Variants in PTBP2 observed in about 807,000 individuals in gnomAD.
PTBP2 encodes the protein polypyrimidine tract-binding protein 2.
PTBP2 carries 13 observed loss-of-function variants against 61.4 expected under a neutral mutation model. The observed-to-expected ratio is 0.21, with a 90% CI of 0.14 to 0.34. PTBP2 has a LOEUF of 0.34. PTBP2 is among the 10% of genes least tolerant of loss of function. The pLI is 1.00. For synonymous variants in PTBP2, 215 were observed against 218.5 expected (o/e 0.98, Z 0.14); for missense variants, 405 against 642.6 (o/e 0.63, Z 4.00).
At chr1:96,775,714 A>G (rs928779929) in intron 5 of PTBP2, among the ~76,000 whole-genome samples, 6 of 152,036 alleles carry the variant, frequency 3.9e-5, no homozygotes, top group Non-Finnish European at 7.4e-5. Flanking sequence ...ATATTTTGAT[A>G]AGAAGTTTTA....
At chr1:96,767,044 G>A (rs1483439093) in intron 3 of PTBP2, among the ~76,000 whole-genome samples, 3 of 152,158 alleles carry the variant, frequency 2.0e-5, no homozygotes, top group East Asian at 1.9e-4. Context: ...TAAATTGCCC[G>A]GCATGTAGTT....
intron 3 of PTBP2, among the ~76,000 whole-genome samples, chr1:96,763,226 CG>C (rs1656228748): frequency 6.6e-6 from 1 of 152,064 alleles, no homozygotes; most frequent in Non-Finnish European, 1.5e-5. Context: ...CCAAGGCAGG[CG>C]GCTGGGAGGT....
At chr1:96,765,425 AAGT>A (rs1251068687) in intron 3 of PTBP2, among the ~76,000 whole-genome samples, 1 of 152,150 alleles carries the variant, frequency 6.6e-6, no homozygotes, top group African/African-American at 2.4e-5. Context: ...TTATATGAGA[AAGT>A]AGGCCAGGTG....
intron 1 of PTBP2, among the ~76,000 whole-genome samples, chr1:96,722,573 G>T (rs1649763713): frequency 6.6e-6 from 1 of 152,202 alleles, no homozygotes; most frequent in South Asian, 2.1e-4. Context: ...AACATTCAAG[G>T]CTTGGCAAAA....
chr1:96,774,413 ATAAAAT>A (rs113540795), intron 5 of PTBP2, among the ~76,000 whole-genome samples: 3,388 of 152,258 alleles, frequency 0.022, 128 homozygotes, highest in African/African-American at 0.076. Flanking sequence ...CAGGAATTTG[ATAAAAT>A]TATTCTCAGC....
intron 8 of PTBP2, among the ~76,000 whole-genome samples, chr1:96,796,803 A>G (rs1050824769): frequency 2.0e-5 from 3 of 152,032 alleles, no homozygotes; most frequent in Non-Finnish European, 4.4e-5. Flanking sequence ...GGGAGAATAG[A>G]AAGGGGGTCA....
Position 96,782,702 on chromosome 1 carries a change from G to C in PTBP2, c.709-2357G>C, listed in dbSNP as rs190565088. Among the ~76,000 whole-genome samples, 4 of 152,028 alleles carry C rather than the reference G, an allele frequency of 2.6e-5. No individual in the cohort carries two copies. The East Asian group carries it at 7.7e-4, about 29-fold the overall frequency. ...TAAAAAGTAGATATTTAAAGAATTT[G>C]GAAGTTAAGGTTTCTCTCAGTGTGT... On this transcript the variant is annotated intron_variant, in intron 7 of 13. Transcript: ENST00000674951.
intron 2 of PTBP2, among the ~76,000 whole-genome samples, chr1:96,746,916 T>TCCC (rs1413541205): frequency 2.7e-5 from 1 of 36,956 alleles, no homozygotes; most frequent in Non-Finnish European, 4.9e-5. Flanking sequence ...CCTCCCTCCC[T>TCCC]TCCTTCCTTC....
At chr1:96,756,522 C>T (rs1351527171) in intron 3 of PTBP2, among the ~76,000 whole-genome samples, 2 of 152,158 alleles carry the variant, frequency 1.3e-5, no homozygotes, top group African/African-American at 4.8e-5. Flanking sequence ...TTTATAGTTG[C>T]CAGAACTTCA....
chr1:96,753,680 TA>T (rs1235217570), intron 3 of PTBP2, among the ~76,000 whole-genome samples: 2 of 151,952 alleles, frequency 1.3e-5, no homozygotes, highest in African/African-American at 4.8e-5. Flanking sequence ...TTTTAAGCTG[TA>T]AAGGAAAAGA....
At position 96,725,715 on chromosome 1, in the gene PTBP2, G is replaced by A. The variant is rs1388984390; in HGVS notation, c.39+2121G>A. On this transcript the variant is annotated intron_variant, in intron 2 of 13. Coordinates refer to ENST00000674951, the MANE Select transcript of PTBP2 (RefSeq NM_021190.4). Reference sequence around the variant, plus strand: ...GCTTTGGTGTCAGGCCTGTGTACAAGTAATTAAGTGTTCTTTAAAACTTAA... The same window carrying A: ...GCTTTGGTGTCAGGCCTGTGTACAAATAATTAAGTGTTCTTTAAAACTTAA... Among the ~76,000 whole-genome samples, 10 of 152,252 alleles carry A rather than the reference G, an allele frequency of 6.6e-5. No homozygotes were observed. The East Asian group carries it at 1.9e-3, about 29-fold the overall frequency.
At chr1:96,787,805 T>C (rs1659372618) in intron 8 of PTBP2, among the ~76,000 whole-genome samples, 1 of 152,210 alleles carries the variant, frequency 6.6e-6, no homozygotes, top group Non-Finnish European at 1.5e-5. Flanking sequence ...CTGCGTAGCA[T>C]GTTCATGGGT....
At chr1:96,743,144 A>T (rs1417393807) in intron 2 of PTBP2, among the ~76,000 whole-genome samples, 3 of 151,770 alleles carry the variant, frequency 2.0e-5, no homozygotes. Context: ...AAAATTAGCC[A>T]GGCGTGGTGG....
chr1:96,808,501 C>T (rs1043759199), intron 11 of PTBP2, among the ~76,000 whole-genome samples: 1 of 151,988 alleles, frequency 6.6e-6, no homozygotes, highest in Non-Finnish European at 1.5e-5. Flanking sequence ...CACATTTAAC[C>T]TTAATTACCT....
At chr1:96,797,282 A>T (rs999563574) in intron 8 of PTBP2, among the ~76,000 whole-genome samples, 1 of 152,166 alleles carries the variant, frequency 6.6e-6, no homozygotes, top group Admixed American at 6.5e-5. Context: ...GGAGACCAAA[A>T]ATGACTTTTT....
chr1:96,803,759 A>C (rs935303715), intron 8 of PTBP2, among the ~76,000 whole-genome samples: 3 of 152,190 alleles, frequency 2.0e-5, no homozygotes, highest in African/African-American at 7.2e-5. Context: ...AGAAGAAATA[A>C]AATGTGAACT....
intron 2 of PTBP2, among the ~76,000 whole-genome samples, chr1:96,740,602 A>G (rs954417987): frequency 1.3e-5 from 2 of 152,192 alleles, no homozygotes; most frequent in Admixed American, 6.5e-5. Context: ...TCTCCACTCC[A>G]GGTAATTACT....
At chr1:96,735,266 G>A (rs1037248856) in intron 2 of PTBP2, among the ~76,000 whole-genome samples, 1 of 152,100 alleles carries the variant, frequency 6.6e-6, no homozygotes, top group Non-Finnish European at 1.5e-5. Context: ...AAAAAGAAAT[G>A]TAACTTAAAA....
At chr1:96,732,014 G>A (rs2100810767) in intron 2 of PTBP2, among the ~76,000 whole-genome samples, 1 of 152,238 alleles carries the variant, frequency 6.6e-6, no homozygotes, top group East Asian at 1.9e-4. Flanking sequence ...GAAATTTGTA[G>A]CAGTGTTCTT....
Sources: gnomAD v4.1 joint callset for allele counts (sites outside exome capture counted in the v4.1 genomes callset) on GRCh38, gnomAD v4.1.1 for gene constraint, MANE v1.5 for transcripts, NCBI Gene and HGNC (gene_info 2026-07-23, HGNC 2026-07-21) for gene names.